The following HMGCLL1 variants were observed in gnomAD, a reference collection of about 807,000 sequenced individuals.
HMGCLL1 encodes the protein 3-hydroxymethyl-3-methylglutaryl-CoA lyase, cytoplasmic.
In HMGCLL1, 36 loss-of-function variants were observed where a neutral mutation model predicts 39.1. The observed-to-expected ratio is 0.92, with a 90% confidence interval of 0.71 to 1.22. The LOEUF is 1.22. Among genes scored for constraint, HMGCLL1 ranks in the 50% most tolerant of loss-of-function variants. HMGCLL1 has a pLI of 0.00. For synonymous variants in HMGCLL1, 149 were observed against 144.0 expected, an observed-to-expected ratio of 1.03 and a Z score of -0.25; for missense variants, 451 against 416.5, an observed-to-expected ratio of 1.08 and a Z score of -0.72.
chr6:55,588,672 G>T, the HMGCLL1 span, among the ~76,000 whole-genome samples: 10 of 152,026 alleles, frequency 6.6e-5, no homozygotes, highest in Non-Finnish European at 8.8e-5. Context: ...GACTAATAAA[G>T]AAGAAAAGAG....
intron 5 of HMGCLL1, among the ~76,000 whole-genome samples, chr6:55,509,105 T>A (rs1455461835): frequency 6.6e-6 from 1 of 151,822 alleles, no homozygotes; most frequent in Admixed American, 6.6e-5. Context: ...ACAAACCATA[T>A]GTATGAAAGA....
chr6:55,554,873 C>A (rs1487758698), intron 1 of HMGCLL1, among the ~76,000 whole-genome samples: 1 of 152,146 alleles, frequency 6.6e-6, no homozygotes, highest in Non-Finnish European at 1.5e-5. Flanking sequence ...TCTTCTCATA[C>A]CCTATATCAG....
At chr6:55,601,014 T>C in the HMGCLL1 span, among the ~76,000 whole-genome samples, 2 of 152,152 alleles carry the variant, frequency 1.3e-5, no homozygotes, top group African/African-American at 4.8e-5. Flanking sequence ...TTCCAATAAA[T>C]AAAAAATAAT....
At chr6:55,552,697 C>T (rs960236035) in intron 1 of HMGCLL1, among the ~76,000 whole-genome samples, 3 of 151,846 alleles carry the variant, frequency 2.0e-5, no homozygotes, top group African/African-American at 7.3e-5. Flanking sequence ...GGACCCTGTG[C>T]TAGAATTTGG....
the HMGCLL1 span, among the ~76,000 whole-genome samples, chr6:55,622,996 T>C: frequency 6.6e-6 from 1 of 152,090 alleles, no homozygotes; most frequent in Admixed American, 6.6e-5. Context: ...TGGTAGGTTG[T>C]ATATGTCTAG....
the HMGCLL1 span, among the ~76,000 whole-genome samples, chr6:55,664,132 A>G: frequency 6.6e-6 from 1 of 151,924 alleles, no homozygotes; most frequent in South Asian, 2.1e-4. Flanking sequence ...GCAGCCTGTC[A>G]TTCTGTGCCT....
chr6:55,472,415 C>T (rs1765087879), intron 7 of HMGCLL1, among the ~76,000 whole-genome samples: 1 of 151,468 alleles, frequency 6.6e-6, no homozygotes, highest in Admixed American at 6.6e-5. Context: ...TATTAATACA[C>T]CTTTTCTGTG....
upstream of HMGCLL1, among the ~76,000 whole-genome samples, chr6:55,583,460 C>T (rs1319446217): frequency 6.6e-6 from 1 of 151,808 alleles, no homozygotes; most frequent in Non-Finnish European, 1.5e-5. Context: ...GTTTTTTGTC[C>T]TTGCGATAGT....
intron 3 of HMGCLL1, among the ~76,000 whole-genome samples, chr6:55,517,249 T>A (rs1283168643): frequency 2.6e-5 from 4 of 152,056 alleles, no homozygotes; most frequent in Non-Finnish European, 5.9e-5. Flanking sequence ...TCTGTATCTC[T>A]AAAAAACTCA....
At chr6:55,623,841 T>A in the HMGCLL1 span, among the ~76,000 whole-genome samples, 1 of 152,106 alleles carries the variant, frequency 6.6e-6, no homozygotes, top group African/African-American at 2.4e-5. Flanking sequence ...CAGGGAATTC[T>A]GCCAGCTGCT....
chr6:55,494,127 T>C (rs1484599202), intron 7 of HMGCLL1, among the ~76,000 whole-genome samples: 1 of 151,918 alleles, frequency 6.6e-6, no homozygotes, highest in Admixed American at 6.6e-5. Context: ...ATTAGCAATG[T>C]TTTGTTACTT....
chr6:55,499,238 CT>C lies in HMGCLL1; in HGVS notation c.603del (p.Glu202LysfsTer16). The stretch of plus-strand genomic sequence containing the variant: ...AAAAAGCTGAAGATGTAGCTTACTT[CT>C]GTCACTTTTTGCGGTGTAATACTTC... ...YEGSITPQKV[T>X]EVSKRLYGMG... On this transcript the variant is annotated frameshift_variant, in exon 6 of 9. Transcript: ENST00000274901. LOFTEE classifies it high-confidence loss of function. The C allele has an allele frequency of 6.2e-7, 1 of 1,608,402 alleles. No homozygotes were observed. The highest frequency in any genetic ancestry group is 8.5e-7 in the Non-Finnish European group (1 of 1,177,264).
chr6:55,437,902 C>T (rs1377273677), intron 8 of HMGCLL1, among the ~76,000 whole-genome samples: 2 of 152,076 alleles, frequency 1.3e-5, no homozygotes, highest in East Asian at 3.9e-4. Flanking sequence ...ATTAGCAGCT[C>T]TTGGTAACTG....
At chr6:55,602,233 C>T in the HMGCLL1 span, among the ~76,000 whole-genome samples, 7 of 152,134 alleles carry the variant, frequency 4.6e-5, no homozygotes, top group Non-Finnish European at 8.8e-5. Flanking sequence ...CAGGAGATAC[C>T]TCATAGATCT....
the HMGCLL1 span, among the ~76,000 whole-genome samples, chr6:55,640,839 T>A: frequency 6.6e-6 from 1 of 151,908 alleles, no homozygotes; most frequent in Non-Finnish European, 1.5e-5. Flanking sequence ...TTCTGTTGTT[T>A]GAATGGAATT....
In HMGCLL1 at chr6:55,464,228, A is replaced by G. The variant is rs567209094; in HGVS notation, c.796-24669T>C. ...CTATGTCATAGATTTTTATAAAGAT[A>G]ATTTACTGTCTTAAAAAATCTCACA... On this transcript the variant is annotated intron_variant, in intron 7 of 8. Coordinates refer to ENST00000274901, the MANE Select transcript of HMGCLL1 (RefSeq NM_001042406.2). Among the ~76,000 whole-genome samples the G allele has an allele frequency of 3.5e-4, 54 of 152,276 alleles. No homozygotes were observed. In the Middle Eastern group the frequency reaches 0.01, roughly 29 times the overall value.
the HMGCLL1 span, among the ~76,000 whole-genome samples, chr6:55,667,434 C>A: frequency 6.6e-6 from 1 of 151,720 alleles, no homozygotes; most frequent in East Asian, 1.9e-4. Flanking sequence ...GATATTATCA[C>A]CCTCATTTCA....
At chr6:55,486,212 T>G (rs1766019045) in intron 7 of HMGCLL1, among the ~76,000 whole-genome samples, 1 of 151,540 alleles carries the variant, frequency 6.6e-6, no homozygotes, top group Admixed American at 6.6e-5. Context: ...AGTAAGTATT[T>G]TTTGTGATTT....
chr6:55,484,561 A>T (rs2127415590), intron 7 of HMGCLL1, among the ~76,000 whole-genome samples: 1 of 152,218 alleles, frequency 6.6e-6, no homozygotes, highest in East Asian at 1.9e-4. Flanking sequence ...AATATTTGCC[A>T]GCAAATATTG....
Sources: allele counts gnomAD v4.1 joint callset (sites outside exome capture counted in the v4.1 genomes callset), GRCh38; gene constraint gnomAD v4.1.1; transcripts MANE v1.5; gene names NCBI Gene and HGNC (gene_info 2026-07-23, HGNC 2026-07-21).